TAF11L12: variants seen among roughly 807,000 people sequenced by gnomAD.
TAF11L12 encodes TATA-box-binding protein-associated factor 11-like protein 12.
chr5:17,611,847 T>C (rs1431662580), downstream of TAF11L12, among the ~76,000 whole-genome samples: 1 of 151,406 alleles, frequency 6.6e-6, no homozygotes, highest in Non-Finnish European at 1.5e-5. Flanking sequence ...TAAAGGTGCC[T>C]GGGCCTTGAG....
At chr5:17,611,610 T>A, downstream of TAF11L12, 1 of 398,032 alleles carries the variant, frequency 2.5e-6, no homozygotes, top group East Asian at 3.6e-5. Flanking sequence ...AAGGGTCTGT[T>A]TGTGCAGGAA....
rs1184586695 is a variant in TAF11L12, at chr5:17,611,327, G to A, written c.338G>A (p.Arg113Gln). 5.5e-5 allele frequency: 22 copies of A among 397,856 alleles called. 1 individual carries two copies. The highest frequency in any genetic ancestry group is 8.0e-5 in the Non-Finnish European group (18 of 225,712). 24.6% of individuals were successfully genotyped at this position (397,856 alleles called of 1,614,324 possible). Residue 113 changes from arginine to glutamine, a missense_variant, in exon 1 of 1, where the codon CGG becomes CAG. By Grantham distance (43) the Arg-to-Gln change is conservative. Coordinates refer to ENST00000503184, the Ensembl canonical transcript of TAF11L12. ...CTATCCCGCTACGAAGTGTGTCGCC[G>A]GTCAGCTTTCCCAAAAGCACGCATT...
exon 1 of TAF11L12, chr5:17,611,015 C>G (rs535482374): frequency 2.5e-6 from 1 of 397,772 alleles, no homozygotes; most frequent in East Asian, 3.6e-5. Context: ...CAAAGAGGTG[C>G]GTCTGCTGAG....
exon 1 of TAF11L12, chr5:17,610,854 A>G: frequency 2.5e-6 from 1 of 394,550 alleles, no homozygotes; most frequent in Non-Finnish European, 4.5e-6. Flanking sequence ...GTGTCCAGTT[A>G]TGGTTAAACT....
rs182250848 is a variant in TAF11L12 at position 17,610,693 on chromosome 5, C to T, written c.-297C>T. 4.5e-4 allele frequency: 122 copies of T among 273,382 alleles called. 3 individuals carry two copies. The South Asian group carries it at 0.018, about 40-fold the overall frequency. The allele number at this position is 273,382 out of a possible 1,614,324, so 16.9% of individuals were successfully genotyped here. A position where few individuals can be genotyped will look rare whatever the true frequency, so the allele number is the denominator to read the frequency against. The stretch of plus-strand genomic sequence containing the variant: ...CCTAGCAGTACTTCTGACCTGTGAG[C>T]TGGTGTTTGTTTTAAATATCCAAAA... On this transcript the variant is annotated 5_prime_UTR_variant, in exon 1 of 1. Transcript: ENST00000503184.
At chr5:17,611,446 G>A in exon 1 of TAF11L12, 1 of 398,110 alleles carries the variant, frequency 2.5e-6, no homozygotes, top group Non-Finnish European at 4.4e-6. Context: ...TGGAGAGGTG[G>A]TGGAAGAGGC....
chr5:17,611,476 T>G, exon 1 of TAF11L12: 1 of 397,814 alleles, frequency 2.5e-6, no homozygotes, highest in East Asian at 3.6e-5. Flanking sequence ...GTGCGAGATG[T>G]GGGGAGAAAC....
exon 1 of TAF11L12, chr5:17,611,132 G>A (rs1040981484): frequency 2.5e-6 from 1 of 397,984 alleles, no homozygotes; most frequent in Non-Finnish European, 4.4e-6. Flanking sequence ...GAGCTCAGAA[G>A]TCAGGATGTC....
downstream of TAF11L12, among the ~76,000 whole-genome samples, chr5:17,611,829 T>A (rs143528127): frequency 1.2e-3 from 178 of 151,448 alleles, 6 homozygotes; most frequent in African/African-American, 4.1e-3. Context: ...TCTTTCTAGT[T>A]GGAAGAATAA....
chr5:17,610,568 A>G (rs1211612891), exon 1 of TAF11L12: 2 of 163,440 alleles, frequency 1.2e-5, no homozygotes, highest in East Asian at 3.4e-4. Context: ...AACACGAATG[A>G]GATTGAAGAC....
At chr5:17,610,784 T>C (rs1484308144) in exon 1 of TAF11L12, 6 of 383,212 alleles carry the variant, frequency 1.6e-5, no homozygotes, top group Non-Finnish European at 2.3e-5. Flanking sequence ...TTTCTTCACA[T>C]TGTGGAAGTG....
At position 17,611,304 on chromosome 5, in the gene TAF11L12, A is replaced by G. The variant is rs376088917; in HGVS notation, c.315A>G (p.Leu105=). The G allele has an allele frequency of 1.3e-4, 50 of 397,954 alleles. 1 individual carries two copies. Among genetic ancestry groups the G allele is most frequent in the Middle Eastern group, 1.2e-3 (2 of 1,610 alleles). 24.7% of individuals were successfully genotyped at this position (397,954 alleles called of 1,614,324 possible). Residue 105 remains leucine (L), a synonymous_variant, in exon 1 of 1, where the codon CTA becomes CTG. Transcript: ENST00000503184. ...TGTATGCCATGTCTGAGGAGCAGCT[A>G]TCCCGCTACGAAGTGTGTCGCCGGT...
chr5:17,610,676 T>C lies in TAF11L12; in HGVS notation c.-314T>C, dbSNP rs191499390. The C allele has an allele frequency of 4.2e-4, 105 of 249,170 alleles. 1 individual carries two copies. The highest frequency in any genetic ancestry group is 2.1e-3 in the African/African-American group (95 of 44,866). The allele number at this position is 249,170 out of a possible 1,614,324, so 15.4% of individuals were successfully genotyped here. ...AGGAGGCAGTCACTTGGCCTAGCAG[T>C]ACTTCTGACCTGTGAGCTGGTGTTT... On this transcript the variant is annotated 5_prime_UTR_variant, in exon 1 of 1. Transcript: ENST00000503184.
Position 17,611,280 on chromosome 5 carries a change from G to T in TAF11L12, c.291G>T (p.Leu97=), listed in dbSNP as rs369377275. 1,120 of 398,152 alleles carry T rather than the reference G, an allele frequency of 2.8e-3. 38 individuals carry two copies. Among genetic ancestry groups the T allele is most frequent in the South Asian group, 0.019 (148 of 7,840 alleles). The allele number at this position is 398,152 out of a possible 1,614,324, so 24.7% of individuals were successfully genotyped here. A position where few individuals can be genotyped will look rare whatever the true frequency, so the allele number is the denominator to read the frequency against. Residue 97 remains leucine, a synonymous_variant, in exon 1 of 1, where the codon CTG becomes CTT. Coordinates refer to ENST00000503184, the Ensembl canonical transcript of TAF11L12. The stretch of plus-strand genomic sequence containing the variant: ...AGGAGGCTCAGATGACAACCCTGCT[G>T]TATGCCATGTCTGAGGAGCAGCTAT...
chr5:17,612,050 T>G (rs961709200), downstream of TAF11L12, among the ~76,000 whole-genome samples: 2 of 151,550 alleles, frequency 1.3e-5, no homozygotes, highest in Admixed American at 1.3e-4. Flanking sequence ...GTATTTGTTT[T>G]AGTCATCACA....
chr5:17,611,940 G>T (rs1037727283), downstream of TAF11L12, among the ~76,000 whole-genome samples: 1 of 151,380 alleles, frequency 6.6e-6, no homozygotes, highest in Non-Finnish European at 1.5e-5. Flanking sequence ...GCCTGGTGTT[G>T]CTGTGTCTTA....
At chr5:17,610,843 T>G in exon 1 of TAF11L12, 1 of 393,814 alleles carries the variant, frequency 2.5e-6, no homozygotes. Context: ...GGCAGGGGGC[T>G]GTGTCCAGTT....
At chr5:17,611,435 T>C (rs1349476459) in exon 1 of TAF11L12, 4 of 397,654 alleles carry the variant, frequency 1.0e-5, no homozygotes, top group Non-Finnish European at 1.8e-5. Context: ...AAGGTCTTGG[T>C]TGGAGAGGTG....
rs981723689 is a variant in TAF11L12 at position 17,611,042 on chromosome 5, A to G, written c.53A>G (p.Gln18Arg). The G allele has an allele frequency of 3.5e-5, 14 of 397,848 alleles. 1 individual carries two copies. Among genetic ancestry groups the G allele is most frequent in the East Asian group, 1.1e-4 (3 of 28,018 alleles). The allele number at this position is 397,848 out of a possible 1,614,324, so 24.6% of individuals were successfully genotyped here. A position where few individuals can be genotyped will look rare whatever the true frequency, so the allele number is the denominator to read the frequency against. The change falls in exon 1 of 1, where the codon CAA becomes CGA. Residue 18 changes from glutamine to arginine, a missense_variant. Coordinates refer to ENST00000503184, the Ensembl canonical transcript of TAF11L12. ...TCTGCTGAGATGTTCGCCATGCCCC[A>G]AGGTCTGAAGGGCAGCAACAAGGAT...
Sources: allele counts gnomAD v4.1 joint callset (sites outside exome capture counted in the v4.1 genomes callset), GRCh38; gene constraint gnomAD v4.1.1; transcripts MANE v1.5; gene names NCBI Gene and HGNC (gene_info 2026-07-23, HGNC 2026-07-21).